Variants in GRIK4 observed in about 807,000 individuals in gnomAD.
GRIK4 encodes the protein glutamate ionotropic receptor kainate type subunit 4.
GRIK4 carries 40 observed loss-of-function variants against 104.9 expected under a neutral mutation model. The observed-to-expected ratio is 0.38, with a 90% CI of 0.30 to 0.50. The LOEUF is 0.50. Among genes scored for constraint, GRIK4 ranks in the 20% least tolerant of loss-of-function variants. The pLI is 0.93. For missense variants in GRIK4, 1,047 were observed against 1,308.1 expected (o/e 0.80, Z 3.08); for synonymous variants, 485 against 524.9 (o/e 0.92, Z 1.04).
intron 19 of GRIK4, among the ~76,000 whole-genome samples, chr11:120,978,633 C>T (rs1944601222): frequency 1.3e-5 from 2 of 152,154 alleles, no homozygotes; most frequent in Admixed American, 1.3e-4. Context: ...CTGCAATAGT[C>T]CAAGCAAGAG....
chr11:120,828,383 C>T (rs1021621487), intron 6 of GRIK4, among the ~76,000 whole-genome samples: 4 of 151,948 alleles, frequency 2.6e-5, no homozygotes, highest in Non-Finnish European at 4.4e-5. Context: ...AGGTGGGAGA[C>T]GTGAGAAGAG....
intron 3 of GRIK4, among the ~76,000 whole-genome samples, chr11:120,707,114 C>T (rs1424564161): frequency 6.6e-6 from 1 of 152,132 alleles, no homozygotes; most frequent in African/African-American, 2.4e-5. Flanking sequence ...CAGGGCTGCT[C>T]AGGAGGATAC....
At chr11:120,656,954 A>G (rs1253723004) in intron 2 of GRIK4, among the ~76,000 whole-genome samples, 1 of 152,210 alleles carries the variant, frequency 6.6e-6, no homozygotes, top group African/African-American at 2.4e-5. Flanking sequence ...TCTGTCATCA[A>G]ATAAAATTTA....
chr11:120,852,668 T>A (rs934314255), intron 8 of GRIK4, among the ~76,000 whole-genome samples: 3 of 152,200 alleles, frequency 2.0e-5, no homozygotes, highest in African/African-American at 7.2e-5. Context: ...TTCAAAGACC[T>A]ACAACACAAA....
chr11:120,753,954 C>A (rs1951607277), intron 3 of GRIK4, among the ~76,000 whole-genome samples: 1 of 152,182 alleles, frequency 6.6e-6, no homozygotes, highest in South Asian at 2.1e-4. Flanking sequence ...TGAGCTATCA[C>A]TCCTCATTGT....
chr11:120,913,630 T>C (rs1437340839), intron 13 of GRIK4, among the ~76,000 whole-genome samples: 2 of 151,928 alleles, frequency 1.3e-5, no homozygotes, highest in African/African-American at 4.8e-5. Flanking sequence ...AGAAAAGGGC[T>C]TTGGAAGGCT....
intron 3 of GRIK4, among the ~76,000 whole-genome samples, chr11:120,665,706 G>A (rs1483393088): frequency 1.3e-5 from 2 of 152,180 alleles, no homozygotes; most frequent in African/African-American, 4.8e-5. Flanking sequence ...TACATAATTA[G>A]GAGAGTAAAT....
chr11:120,704,850 CAT>C (rs1371224511), intron 3 of GRIK4, among the ~76,000 whole-genome samples: 5 of 151,498 alleles, frequency 3.3e-5, no homozygotes, highest in Non-Finnish European at 7.4e-5. Context: ...TCACAAACAA[CAT>C]ATAAACAAAT....
chr11:120,862,099 T>C lies in GRIK4; in HGVS notation c.885T>C (p.His295=), dbSNP rs1592000753. The change falls in exon 9 of 21, where the codon CAT becomes CAC. Residue 295 remains histidine, a synonymous_variant. Transcript: ENST00000527524. The part of the protein sequence containing the change: ...LNQSWQENCD[H]VPFTGPALSS... ...AGTCCTGGCAGGAGAACTGTGACCA[T>C]GTGCCCTTCACTGGGCCTGCGGTAA... 2.5e-6 allele frequency: 4 copies of C among 1,614,072 alleles called. No individual in the cohort carries two copies. The highest frequency in any genetic ancestry group is 3.4e-6 in the Non-Finnish European group (4 of 1,179,978).
chr11:120,532,222 C>T lies in GRIK4; in HGVS notation c.-159+20335C>T, dbSNP rs117794401. The stretch of plus-strand genomic sequence containing the variant: ...TGCTCCTCCCTAGCCCCCAAAGTGA[C>T]CTGGACTCGCTGCTTTGAACATCCA... On this transcript the variant is annotated intron_variant, in intron 1 of 20. Coordinates refer to ENST00000527524, the MANE Select transcript of GRIK4 (RefSeq NM_014619.5). Among the ~76,000 whole-genome samples, 787 of 152,282 alleles carry T rather than the reference C, an allele frequency of 5.2e-3. 4 individuals are homozygous for T. The highest frequency in any genetic ancestry group is 7.4e-3 in the Non-Finnish European group (505 of 68,014).
At chr11:120,836,579 G>A (rs534245806) in intron 7 of GRIK4, among the ~76,000 whole-genome samples, 2 of 152,298 alleles carry the variant, frequency 1.3e-5, no homozygotes, top group East Asian at 1.9e-4. Context: ...GGGGCCAGGC[G>A]GAGGTGGAGA....
chr11:120,917,820 T>C (rs1174567681), intron 13 of GRIK4, among the ~76,000 whole-genome samples: 4 of 152,168 alleles, frequency 2.6e-5, no homozygotes, highest in Non-Finnish European at 5.9e-5. Flanking sequence ...GGGAAACTTA[T>C]CAGTTCTTGG....
intron 3 of GRIK4, among the ~76,000 whole-genome samples, chr11:120,789,995 A>C (rs1952363695): frequency 6.6e-6 from 1 of 152,166 alleles, no homozygotes; most frequent in African/African-American, 2.4e-5. Context: ...ATTGTACAGT[A>C]AAGTCTGGCT....
At chr11:120,695,346 C>G (rs1591811576) in intron 3 of GRIK4, among the ~76,000 whole-genome samples, 1 of 152,252 alleles carries the variant, frequency 6.6e-6, no homozygotes, top group Non-Finnish European at 1.5e-5. Flanking sequence ...GGCCCTCCCT[C>G]TGGCCCAGGT....
intron 1 of GRIK4, among the ~76,000 whole-genome samples, chr11:120,591,099 G>C (rs1396743029): frequency 6.6e-6 from 1 of 152,024 alleles, no homozygotes; most frequent in Non-Finnish European, 1.5e-5. Context: ...ACCATACTGC[G>C]CGATCCAGCC....
At chr11:120,799,916 C>G (rs145857851) in intron 3 of GRIK4, among the ~76,000 whole-genome samples, 4,137 of 152,124 alleles carry the variant, frequency 0.027, 181 homozygotes, top group African/African-American at 0.094. Flanking sequence ...GGCATGACCT[C>G]GGCTCACTGC....
chr11:120,778,071 G>A (rs1201498608), intron 3 of GRIK4, among the ~76,000 whole-genome samples: 1 of 152,230 alleles, frequency 6.6e-6, no homozygotes, highest in Admixed American at 6.5e-5. Flanking sequence ...CCAGTACTAA[G>A]TGAGGCATTG....
At chr11:120,603,899 G>A (rs557017964) in intron 1 of GRIK4, among the ~76,000 whole-genome samples, 2 of 151,356 alleles carry the variant, frequency 1.3e-5, no homozygotes, top group Non-Finnish European at 2.9e-5. Flanking sequence ...GGCCGGGTGC[G>A]GTGGCTCATG....
intron 1 of GRIK4, among the ~76,000 whole-genome samples, chr11:120,580,815 A>G (rs1013794370): frequency 4.6e-5 from 7 of 152,110 alleles, no homozygotes; most frequent in Non-Finnish European, 1.0e-4. Flanking sequence ...TGGTAAGTGT[A>G]TGTTTAGCTT....
Sources: allele counts gnomAD v4.1 joint callset (sites outside exome capture counted in the v4.1 genomes callset), GRCh38; gene constraint gnomAD v4.1.1; transcripts MANE v1.5; gene names NCBI Gene and HGNC (gene_info 2026-07-23, HGNC 2026-07-21).